Variants in FRMD4B observed in about 807,000 individuals in gnomAD.
FRMD4B encodes the protein FERM domain containing 4B.
FRMD4B carries 74 observed loss-of-function variants against 141.5 expected under a neutral mutation model. The observed-to-expected ratio is 0.52, with a 90% CI of 0.43 to 0.63. The LOEUF (loss-of-function observed/expected upper bound fraction) is 0.63, where lower values mean the gene tolerates loss of function less well. Among genes scored for constraint, FRMD4B ranks in the 30% least tolerant of loss-of-function variants. FRMD4B has a pLI of 0.00. For missense variants in FRMD4B, 1,366 were observed against 1,253.4 expected (o/e 1.09, Z -1.36); for synonymous variants, 506 against 467.9 (o/e 1.08, Z -1.05).
chr3:69,467,153 T>G (rs9882739), intron 1 of FRMD4B, among the ~76,000 whole-genome samples: 4,654 of 152,306 alleles, frequency 0.031, 250 homozygotes, highest in African/African-American at 0.11. Flanking sequence ...GGAAAAAGAA[T>G]GGGCTTTGGA....
At chr3:69,302,503 GGC>G in intron 3 of FRMD4B, 68 bp from the exon 4 acceptor site, 1 of 954,262 alleles carries the variant, frequency 1.0e-6, no homozygotes, top group Non-Finnish European at 1.7e-6. Context: ...GTACAGTGTT[GGC>G]AAAGCTGTGG....
chr3:69,470,350 T>C (rs1233132793), intron 1 of FRMD4B, among the ~76,000 whole-genome samples: 1 of 152,210 alleles, frequency 6.6e-6, no homozygotes, highest in African/African-American at 2.4e-5. Context: ...ATGACTCTAT[T>C]CCTTGGAGAA....
intron 5 of FRMD4B, among the ~76,000 whole-genome samples, chr3:69,263,420 T>TTTTTTTA (rs2093540981): frequency 8.8e-6 from 1 of 114,036 alleles, no homozygotes; most frequent in African/African-American, 3.2e-5. Flanking sequence ...TTTTTTTTTT[T>TTTTTTTA]GAGACAGGGT....
chr3:69,264,471 T>C (rs181128827), intron 5 of FRMD4B, among the ~76,000 whole-genome samples: 5 of 152,312 alleles, frequency 3.3e-5, no homozygotes, highest in African/African-American at 9.6e-5. Flanking sequence ...TGATTCACTA[T>C]AGATTTGATT....
At chr3:69,297,240 G>A (rs537561946) in intron 4 of FRMD4B, among the ~76,000 whole-genome samples, 1 of 152,174 alleles carries the variant, frequency 6.6e-6, no homozygotes, top group Non-Finnish European at 1.5e-5. Context: ...GGCCAGGAGC[G>A]ATGAGAAGGC....
At chr3:69,531,454 A>T (rs1701007491) in intron 1 of FRMD4B, among the ~76,000 whole-genome samples, 1 of 152,258 alleles carries the variant, frequency 6.6e-6, no homozygotes, top group African/African-American at 2.4e-5. Context: ...TAAGCAAAGA[A>T]TAATGTGTGC....
chr3:69,343,494 C>T (rs912431117), intron 1 of FRMD4B, among the ~76,000 whole-genome samples: 29 of 151,916 alleles, frequency 1.9e-4, no homozygotes, highest in African/African-American at 7.0e-4. Context: ...CCTGGATATA[C>T]CCCTGTCAAT....
chr3:69,459,495 T>C (rs993991989), intron 1 of FRMD4B, among the ~76,000 whole-genome samples: 9 of 152,264 alleles, frequency 5.9e-5, no homozygotes, highest in Non-Finnish European at 1.2e-4. Context: ...TGCCTGTATG[T>C]GCTACCCACT....
chr3:69,259,493 C>T (rs903555597), intron 5 of FRMD4B, among the ~76,000 whole-genome samples: 2 of 152,174 alleles, frequency 1.3e-5, no homozygotes, highest in Non-Finnish European at 2.9e-5. Flanking sequence ...GCCTAGCATC[C>T]AAAGACTCTC....
chr3:69,255,934 A>T (rs2093489627), intron 5 of FRMD4B, among the ~76,000 whole-genome samples: 6 of 152,146 alleles, frequency 3.9e-5, no homozygotes, highest in Admixed American at 3.9e-4. Context: ...TCAAAAATTG[A>T]CAAGAATGAT....
chr3:69,412,288 A>G lies in FRMD4B; in HGVS notation c.-1+20346T>C, dbSNP rs113551812. Among the ~76,000 whole-genome samples, 1,131 of 152,332 alleles carry G rather than the reference A, an allele frequency of 7.4e-3. 14 individuals are homozygous for G. The highest frequency in any genetic ancestry group is 0.021 in the African/African-American group (890 of 41,580). ...CAATAGACCTTTTGAATTAGAATAG[A>G]AGAAAGATAAACTGAGGACACTTGA... On this transcript the variant is annotated intron_variant, in intron 2 of 5. Coordinates refer to the FRMD4B transcript ENST00000459638.
At chr3:69,497,271 A>C (rs184326799) in intron 1 of FRMD4B, among the ~76,000 whole-genome samples, 2 of 152,298 alleles carry the variant, frequency 1.3e-5, no homozygotes, top group East Asian at 3.9e-4. Context: ...TAAACTACTG[A>C]TATTTGGGGG....
chr3:69,269,371 G>T (rs1251473867), intron 5 of FRMD4B, among the ~76,000 whole-genome samples: 1 of 151,886 alleles, frequency 6.6e-6, no homozygotes, highest in South Asian at 2.1e-4. Flanking sequence ...CTGTGAGGAG[G>T]TAATGTTATC....
chr3:69,450,015 C>A (rs1443178656), intron 1 of FRMD4B, among the ~76,000 whole-genome samples: 1 of 150,916 alleles, frequency 6.6e-6, no homozygotes, highest in African/African-American at 2.5e-5. Context: ...AGTTTCCCTG[C>A]CAGTAAAATG....
At chr3:69,517,848 G>A (rs541517240) in intron 1 of FRMD4B, among the ~76,000 whole-genome samples, 2 of 152,144 alleles carry the variant, frequency 1.3e-5, no homozygotes, top group Non-Finnish European at 2.9e-5. Context: ...AGAAACCCCT[G>A]CTGGCCTAGT....
At chr3:69,355,405 C>T (rs974710167) in intron 1 of FRMD4B, among the ~76,000 whole-genome samples, 2 of 152,168 alleles carry the variant, frequency 1.3e-5, no homozygotes, top group Admixed American at 6.5e-5. Flanking sequence ...TATTGTATTA[C>T]TTTATTTGAC....
chr3:69,514,752 T>C (rs1007126749), intron 1 of FRMD4B, among the ~76,000 whole-genome samples: 5 of 151,818 alleles, frequency 3.3e-5, no homozygotes, highest in Admixed American at 2.6e-4. Flanking sequence ...TGTTCACGAA[T>C]TGAAAAACTT....
chr3:69,415,601 A>T (rs895604418), intron 2 of FRMD4B, among the ~76,000 whole-genome samples: 7 of 152,200 alleles, frequency 4.6e-5, no homozygotes, highest in Admixed American at 3.9e-4. Flanking sequence ...TCAGCTAAAG[A>T]GTCATGTCCA....
intron 1 of FRMD4B, among the ~76,000 whole-genome samples, chr3:69,489,721 C>T (rs961209422): frequency 6.6e-6 from 1 of 152,206 alleles, no homozygotes; most frequent in Non-Finnish European, 1.5e-5. Context: ...GCCCAGAATT[C>T]TATTCCTAGG....
Sources: allele counts gnomAD v4.1 joint callset (sites outside exome capture counted in the v4.1 genomes callset), GRCh38; gene constraint gnomAD v4.1.1; transcripts MANE v1.5; gene names NCBI Gene and HGNC (gene_info 2026-07-23, HGNC 2026-07-21).